The following CPNE4 variants were observed in gnomAD, a reference collection of about 807,000 sequenced individuals.
CPNE4 encodes copine-4.
In CPNE4, 25 loss-of-function variants were observed where a neutral mutation model predicts 67.9. That is an observed-to-expected ratio of 0.37 (90% CI 0.27 to 0.51). CPNE4 has a LOEUF of 0.51. Ranked by LOEUF, CPNE4 falls within the 20% of genes least tolerant of loss-of-function variation. The pLI is 0.93. For missense variants in CPNE4, 464 were observed against 690.8 expected (o/e 0.67, Z 3.68); for synonymous variants, 242 against 244.9 (o/e 0.99, Z 0.11).
chr3:131,987,342 G>GTACACTTTAGGT lies in CPNE4; in HGVS notation c.-2+47224_-2+47225insACCTAAAGTGTA, dbSNP rs1439965541. Among the ~76,000 whole-genome samples, 9 of 151,880 alleles carry GTACACTTTAGGT rather than the reference G, an allele frequency of 5.9e-5. No homozygotes were observed. The East Asian group carries it at 1.7e-3, about 29-fold the overall frequency. On this transcript the variant is annotated intron_variant, in intron 1 of 15. Transcript: ENST00000429747. Reference sequence around the variant, plus strand: ...AAAGGTAACAAAATTGACACAATAAGTAGTACACTTTAGGTTAGTACACTT... The same window carrying GTACACTTTAGGT: ...AAAGGTAACAAAATTGACACAATAAGTACACTTTAGGTTAGTACACTTTAGGTTAGTACACTT...
chr3:131,937,702 T>C (rs566294419), intron 1 of CPNE4, among the ~76,000 whole-genome samples: 2 of 151,536 alleles, frequency 1.3e-5, no homozygotes, highest in East Asian at 3.9e-4. Flanking sequence ...AGAAATTAGA[T>C]GGGGAAAGGG....
At chr3:131,549,877 G>T in intron 14 of CPNE4, 70 bp downstream of exon 14, 2 of 1,539,688 alleles carry the variant, frequency 1.3e-6, no homozygotes, top group Non-Finnish European at 1.8e-6. Flanking sequence ...AGAGTGAGAT[G>T]GGTCTTACGG....
At chr3:131,713,117 T>A (rs1502671) in intron 3 of CPNE4, among the ~76,000 whole-genome samples, 79,857 of 151,478 alleles carry the variant, frequency 0.53, 21,274 homozygotes, top group South Asian at 0.65. Context: ...CAGGACAGGC[T>A]CCTGTAGCTG....
intron 14 of CPNE4, among the ~76,000 whole-genome samples, chr3:131,543,986 C>T (rs1357953289): frequency 6.6e-6 from 1 of 152,196 alleles, no homozygotes; most frequent in Non-Finnish European, 1.5e-5. Flanking sequence ...GTGCTGTACT[C>T]AGCAGCACAG....
intron 1 of CPNE4, among the ~76,000 whole-genome samples, chr3:132,033,254 C>T (rs73871576): frequency 0.032 from 4,907 of 152,308 alleles, 302 homozygotes; most frequent in African/African-American, 0.11. Flanking sequence ...CCAAGAAAAA[C>T]CAGAACAGTG....
At chr3:131,788,703 AAAT>A (rs1279414095) in intron 2 of CPNE4, among the ~76,000 whole-genome samples, 1 of 152,182 alleles carries the variant, frequency 6.6e-6, no homozygotes, top group Non-Finnish European at 1.5e-5. Context: ...AATTAGGATT[AAAT>A]AATGATTTAT....
chr3:131,799,021 A>AC (rs1421675794), intron 2 of CPNE4, among the ~76,000 whole-genome samples: 1 of 152,174 alleles, frequency 6.6e-6, no homozygotes, highest in African/African-American at 2.4e-5. Flanking sequence ...AATTAAAGAC[A>AC]CTTTTTTTTC....
rs1193475541 is a variant in CPNE4, at chr3:131,949,310, C to T, written c.-1-43866G>A. On this transcript the variant is annotated intron_variant, in intron 1 of 15. Coordinates refer to ENST00000429747, the MANE Select transcript of CPNE4 (RefSeq NM_130808.3). ...TTCTTCATTAGCTGAATTTTTAAAACATTCATTGAGCATCAATTCATATCA... is the reference window on the plus strand; with the variant it reads ...TTCTTCATTAGCTGAATTTTTAAAATATTCATTGAGCATCAATTCATATCA... Among the ~76,000 whole-genome samples the T allele has an allele frequency of 2.0e-5, 3 of 152,168 alleles. No homozygotes were observed. In the East Asian group the frequency reaches 5.8e-4, roughly 29 times the overall value.
At chr3:131,712,853 T>C (rs1248280164) in intron 3 of CPNE4, among the ~76,000 whole-genome samples, 1 of 152,202 alleles carries the variant, frequency 6.6e-6, no homozygotes, top group Non-Finnish European at 1.5e-5. Context: ...TATGTGTAAA[T>C]GCCATGGAGA....
In CPNE4 at chr3:131,977,549, C is replaced by T. The variant is rs74354445; in HGVS notation, c.-2+57018G>A. Among the ~76,000 whole-genome samples the T allele has an allele frequency of 1.7e-3, 255 of 152,088 alleles. 11 individuals are homozygous for T. The East Asian group carries it at 0.046, about 28-fold the overall frequency. ...CTAGCCACCTCCCATACCATGCAAA[C>T]ACACACACACGCACATACATATACA... On this transcript the variant is annotated intron_variant, in intron 1 of 15. Coordinates refer to ENST00000429747, the MANE Select transcript of CPNE4 (RefSeq NM_130808.3).
At chr3:131,749,654 A>G (rs983988893) in intron 2 of CPNE4, among the ~76,000 whole-genome samples, 2 of 152,088 alleles carry the variant, frequency 1.3e-5, no homozygotes, top group Non-Finnish European at 2.9e-5. Flanking sequence ...TACACATTTA[A>G]GATTGTTATG....
At chr3:131,581,450 T>C (rs1937830746) in intron 9 of CPNE4, 129 bp downstream of exon 9, 2 of 658,750 alleles carry the variant, frequency 3.0e-6, no homozygotes. Flanking sequence ...CTTTAATACA[T>C]GACTTTTTAA....
intron 3 of CPNE4, among the ~76,000 whole-genome samples, chr3:131,722,795 T>C (rs943577360): frequency 1.3e-5 from 2 of 152,184 alleles, no homozygotes; most frequent in Non-Finnish European, 2.9e-5. Context: ...AGGAAAAGTA[T>C]TACAGAAGCA....
At chr3:131,721,481 C>T (rs2081885589) in intron 3 of CPNE4, among the ~76,000 whole-genome samples, 1 of 151,002 alleles carries the variant, frequency 6.6e-6, no homozygotes, top group East Asian at 1.9e-4. Context: ...CTGCAAGCTC[C>T]GCCTTCCGGG....
At chr3:131,646,538 AAGAG>A (rs1284568465) in intron 7 of CPNE4, among the ~76,000 whole-genome samples, 29 of 152,306 alleles carry the variant, frequency 1.9e-4, no homozygotes, top group African/African-American at 6.5e-4. Context: ...TAAATTCAGA[AAGAG>A]AGAGTCCTGC....
chr3:131,715,453 G>A (rs1040921097), intron 3 of CPNE4, among the ~76,000 whole-genome samples: 1 of 152,196 alleles, frequency 6.6e-6, no homozygotes, highest in Non-Finnish European at 1.5e-5. Flanking sequence ...TATTAGAATA[G>A]ATGGAAAAGA....
At chr3:131,941,152 T>C (rs541496643) in intron 1 of CPNE4, among the ~76,000 whole-genome samples, 3 of 152,244 alleles carry the variant, frequency 2.0e-5, no homozygotes, top group African/African-American at 7.2e-5. Context: ...GCATCAACTG[T>C]TAAATTTTCA....
At chr3:132,021,019 A>G (rs775719542) in intron 1 of CPNE4, among the ~76,000 whole-genome samples, 7 of 152,212 alleles carry the variant, frequency 4.6e-5, no homozygotes, top group Non-Finnish European at 1.0e-4. Flanking sequence ...GCAGATGGTC[A>G]TGCTTTTTGT....
At chr3:131,619,642 T>C (rs1347262645) in intron 7 of CPNE4, among the ~76,000 whole-genome samples, 1 of 152,196 alleles carries the variant, frequency 6.6e-6, no homozygotes, top group Non-Finnish European at 1.5e-5. Context: ...GCCTGATTTC[T>C]AAGCCCGTCC....
Sources: gnomAD v4.1 joint callset for allele counts (sites outside exome capture counted in the v4.1 genomes callset) on GRCh38, gnomAD v4.1.1 for gene constraint, MANE v1.5 for transcripts, NCBI Gene and HGNC (gene_info 2026-07-23, HGNC 2026-07-21) for gene names.